PSEN1: variants seen among roughly 807,000 people sequenced by gnomAD.
PSEN1 encodes the protein presenilin 1.
In PSEN1, 15 loss-of-function variants were observed where a neutral mutation model predicts 53.5. The observed-to-expected ratio is 0.28, with a 90% CI of 0.19 to 0.43. The LOEUF (loss-of-function observed/expected upper bound fraction) is 0.43, where lower values mean the gene tolerates loss of function less well. Among genes scored for constraint, PSEN1 ranks in the 20% least tolerant of loss-of-function variants. The probability of loss-of-function intolerance (pLI) is 1.00; values close to 1 mark genes in which losing one functional copy is unlikely to be tolerated. For synonymous variants in PSEN1, 208 were observed against 209.8 expected (o/e 0.99, Z 0.08); for missense variants, 387 against 571.2 (o/e 0.68, Z 3.29).
intron 8 of PSEN1, among the ~76,000 whole-genome samples, chr14:73,202,463 T>TGTA (rs1491391826): frequency 2.0e-4 from 2 of 10,256 alleles, no homozygotes; most frequent in African/African-American, 9.3e-4. Flanking sequence ...TATATATATA[T>TGTA]TTTTTTTTTT....
At chr14:73,142,319 C>T (rs1896952921) in intron 1 of PSEN1, among the ~76,000 whole-genome samples, 1 of 152,158 alleles carries the variant, frequency 6.6e-6, no homozygotes, top group South Asian at 2.1e-4. Context: ...GCACTTGAAA[C>T]TTAGCATTGC....
At chr14:73,142,216 A>G (rs1309829165) in intron 1 of PSEN1, among the ~76,000 whole-genome samples, 2 of 152,236 alleles carry the variant, frequency 1.3e-5, no homozygotes, top group Non-Finnish European at 2.9e-5. Context: ...TAACATTAGA[A>G]GTTGGGCCGC....
chr14:73,151,873 A>G (rs1254066690), intron 3 of PSEN1, among the ~76,000 whole-genome samples: 2 of 116,558 alleles, frequency 1.7e-5, no homozygotes, highest in African/African-American at 7.1e-5. Flanking sequence ...CCAACCTAAA[A>G]TATTTTATAT....
At chr14:73,189,853 CA>C (rs1898651218) in intron 6 of PSEN1, 2 of 248,362 alleles carry the variant, frequency 8.1e-6, no homozygotes, top group Admixed American at 9.0e-5. Context: ...GACTGCCTTC[CA>C]AGAAGCCCTT....
chr14:73,158,573 C>T (rs1286744676), intron 3 of PSEN1, among the ~76,000 whole-genome samples: 7 of 152,146 alleles, frequency 4.6e-5, no homozygotes, highest in Non-Finnish European at 8.8e-5. Flanking sequence ...TGATCTGCCT[C>T]GGCCCCCCAA....
chr14:73,177,313 A>AGG (rs1164503989), intron 5 of PSEN1, among the ~76,000 whole-genome samples: 1 of 152,236 alleles, frequency 6.6e-6, no homozygotes, highest in Non-Finnish European at 1.5e-5. Context: ...ACCTGGTAGC[A>AGG]TATAAATCAA....
In PSEN1 at chr14:73,206,434, A is replaced by T; in HGVS notation, c.917A>T (p.Gln306Leu). The T allele has an allele frequency of 6.2e-7, 1 of 1,614,134 alleles. No homozygotes were observed. Reference protein sequence around the residue: ...VNMAEGDPEAQRRVSKNSKYN... With the variant: ...VNMAEGDPEALRRVSKNSKYN... ...ATGGCAGAAGGAGACCCGGAAGCTC[A>T]AAGGAGAGTATCCAAAAATTCCAAG... The change falls in exon 9 of 12, where the codon CAA becomes CTA. Residue 306 changes from glutamine (Q) to leucine (L), a missense_variant. Physicochemically the swap from Gln to Leu is moderately radical, Grantham distance 113. Transcript: ENST00000324501.
chr14:73,209,764 G>A (rs755366428), intron 9 of PSEN1, among the ~76,000 whole-genome samples: 55 of 152,322 alleles, frequency 3.6e-4, no homozygotes, highest in South Asian at 6.2e-4. Context: ...GGGACGGCCC[G>A]CTGAAGGATG....
intron 7 of PSEN1, among the ~76,000 whole-genome samples, chr14:73,193,150 A>T (rs1898793766): frequency 6.6e-6 from 1 of 152,014 alleles, no homozygotes; most frequent in African/African-American, 2.4e-5. Context: ...TATCTACAGA[A>T]AATACAAAAA....
At chr14:73,166,026 G>A (rs1373979831) in intron 3 of PSEN1, among the ~76,000 whole-genome samples, 4 of 151,314 alleles carry the variant, frequency 2.6e-5, no homozygotes, top group African/African-American at 9.7e-5. Flanking sequence ...ACTACTAGGC[G>A]ACAGAATGAG....
intron 3 of PSEN1, among the ~76,000 whole-genome samples, chr14:73,153,837 C>G (rs1044317017): frequency 6.6e-6 from 1 of 151,588 alleles, no homozygotes; most frequent in African/African-American, 2.4e-5. Flanking sequence ...CTTAGTCTCC[C>G]GAGTAGTTGG....
At chr14:73,201,469 G>A (rs893268793) in intron 8 of PSEN1, among the ~76,000 whole-genome samples, 2 of 152,234 alleles carry the variant, frequency 1.3e-5, no homozygotes, top group Non-Finnish European at 2.9e-5. Context: ...GATGTCATTA[G>A]TGACATTGAA....
chr14:73,182,842 AAAAT>A (rs1898262723), intron 5 of PSEN1, among the ~76,000 whole-genome samples: 4 of 152,206 alleles, frequency 2.6e-5, no homozygotes, highest in Admixed American at 1.3e-4. Context: ...TCATCTCCCA[AAAAT>A]AAATAAATAA....
chr14:73,221,250 T>G lies in PSEN1; in HGVS notation c.*1961T>G, dbSNP rs1900112749. The G allele has an allele frequency of 6.6e-6, 1 of 152,214 alleles. No homozygotes were observed. Among genetic ancestry groups the G allele is most frequent in the South Asian group, 2.1e-4 (1 of 4,830 alleles). The allele number at this position is 152,214 out of a possible 1,614,324, so 9.4% of individuals were successfully genotyped here. On this transcript the variant is annotated 3_prime_UTR_variant, in exon 12 of 12. Coordinates refer to ENST00000324501, the MANE Select transcript of PSEN1 (RefSeq NM_000021.4). ...CATTTTTTTCCATGAAATCCCTTCT[T>G]CCAAGATTCATTCCCTCTCTCAGAC...
chr14:73,136,692 A>C (rs1169200337), intron 1 of PSEN1, 109 bp downstream of exon 1: 1 of 152,312 alleles, frequency 6.6e-6, no homozygotes, highest in Non-Finnish European at 1.5e-5. Context: ...GGTGTCCTAA[A>C]AGATGAGGGG....
intron 1 of PSEN1, among the ~76,000 whole-genome samples, chr14:73,145,467 T>C (rs1043817575): frequency 6.6e-6 from 1 of 151,982 alleles, no homozygotes; most frequent in Non-Finnish European, 1.5e-5. Context: ...CCTGAGTAGC[T>C]GGAACCACAG....
intron 5 of PSEN1, among the ~76,000 whole-genome samples, chr14:73,184,383 G>T (rs1260989845): frequency 1.1e-4 from 14 of 124,890 alleles, no homozygotes; most frequent in African/African-American, 3.4e-4. Context: ...GGCTGGCCGG[G>T]CGGGGGGCTG....
At chr14:73,148,271 T>TA in intron 3 of PSEN1, among the ~76,000 whole-genome samples, 165 bp downstream of exon 3, 2 of 152,366 alleles carry the variant, frequency 1.3e-5, no homozygotes, top group Admixed American at 1.3e-4. Context: ...CAGGGCTGTT[T>TA]AACACATAGG....
At chr14:73,161,056 C>G (rs1897521585) in intron 3 of PSEN1, among the ~76,000 whole-genome samples, 1 of 147,542 alleles carries the variant, frequency 6.8e-6, no homozygotes, top group Non-Finnish European at 1.5e-5. Flanking sequence ...CTCACTGCAA[C>G]TTCCGCCTCC....
Sources: gnomAD v4.1 joint callset for allele counts (sites outside exome capture counted in the v4.1 genomes callset) on GRCh38, gnomAD v4.1.1 for gene constraint, MANE v1.5 for transcripts, NCBI Gene and HGNC (gene_info 2026-07-23, HGNC 2026-07-21) for gene names.